Variants in MEMO1 observed in about 807,000 individuals in gnomAD.
The protein encoded by MEMO1 is protein MEMO1.
In MEMO1, 6 loss-of-function variants were observed where a neutral mutation model predicts 45.2. The ratio of observed to expected loss-of-function variants is 0.13; its 90% CI spans 0.07 to 0.26. MEMO1 has a LOEUF of 0.26. Ranked by LOEUF, MEMO1 falls within the 10% of genes least tolerant of loss-of-function variation. The probability of loss-of-function intolerance (pLI) is 1.00; values close to 1 mark genes in which losing one functional copy is unlikely to be tolerated. For synonymous variants in MEMO1, 78 were observed against 124.3 expected, an observed-to-expected ratio of 0.63 and a Z score of 2.48; for missense variants, 184 against 370.5, an observed-to-expected ratio of 0.50 and a Z score of 4.13.
At chr2:31,992,751 T>A (rs532285918) in intron 2 of MEMO1, among the ~76,000 whole-genome samples, 2 of 152,118 alleles carry the variant, frequency 1.3e-5, no homozygotes, top group Non-Finnish European at 1.5e-5. Flanking sequence ...GCCACTGCAC[T>A]CCAGCCTGGG....
At chr2:31,886,529 A>C (rs1676221748) in intron 7 of MEMO1, among the ~76,000 whole-genome samples, 1 of 152,166 alleles carries the variant, frequency 6.6e-6, no homozygotes, top group South Asian at 2.1e-4. Flanking sequence ...TTAATAATAA[A>C]GAAAATTATA....
At chr2:31,897,120 G>C (rs1677950479) in intron 6 of MEMO1, among the ~76,000 whole-genome samples, 1 of 152,176 alleles carries the variant, frequency 6.6e-6, no homozygotes, top group Admixed American at 6.5e-5. Context: ...GGAGATTTTA[G>C]GCTGAGACAA....
At chr2:31,950,818 T>C (rs1383639401) in intron 2 of MEMO1, among the ~76,000 whole-genome samples, 1 of 152,136 alleles carries the variant, frequency 6.6e-6, no homozygotes, top group Non-Finnish European at 1.5e-5. Context: ...CTTGTGCTTA[T>C]AAAAAATACA....
chr2:32,009,680 G>A (rs1273019590), intron 2 of MEMO1, among the ~76,000 whole-genome samples: 1 of 152,140 alleles, frequency 6.6e-6, no homozygotes, highest in Non-Finnish European at 1.5e-5. Flanking sequence ...CGGACCGCCA[G>A]CGGGGAGGGC....
chr2:31,933,346 AAAATTTATATATAT>A (rs1438218054), intron 3 of MEMO1, among the ~76,000 whole-genome samples: 1 of 25,518 alleles, frequency 3.9e-5, no homozygotes, highest in African/African-American at 1.6e-4. Context: ...AAAAAAAAAA[AAAATTTATATATAT>A]ATATATATAT....
At chr2:31,967,027 T>C (rs141055641) in intron 2 of MEMO1, among the ~76,000 whole-genome samples, 351 of 152,260 alleles carry the variant, frequency 2.3e-3, no homozygotes, top group African/African-American at 7.6e-3. Flanking sequence ...CATACTAAAC[T>C]GTTTTGTAGT....
rs1349095536 is a variant in MEMO1 at position 31,982,362 on chromosome 2, C to T, written c.61+27825G>A. On this transcript the variant is annotated intron_variant, in intron 2 of 9. Coordinates refer to ENST00000404530, the MANE Select transcript of MEMO1 (RefSeq NM_001301833.4). ...ATCCCAGCACTTTGGGAGGCCGAGG[C>T]GGGCAGATCACGAGGTCAGAAGTTT... Among the ~76,000 whole-genome samples, 4 of 149,568 alleles carry T rather than the reference C, an allele frequency of 2.7e-5. No homozygotes were observed. The East Asian group carries it at 8.0e-4, about 30-fold the overall frequency.
rs536459894 is a variant in MEMO1 at position 31,906,287 on chromosome 2, T to A, written c.437+11639A>T. On this transcript the variant is annotated intron_variant, in intron 6 of 9. Transcript: ENST00000404530. ...ACCCGGCCAAGGAGTGCTATTCTTTTGTTTTTGTTTTTGTTTTTTTTGTTT... is the reference window on the plus strand; with the variant it reads ...ACCCGGCCAAGGAGTGCTATTCTTTAGTTTTTGTTTTTGTTTTTTTTGTTT... Among the ~76,000 whole-genome samples the A allele has an allele frequency of 9.4e-5, 14 of 148,782 alleles. No homozygotes were observed. The South Asian group carries it at 3.0e-3, about 31-fold the overall frequency.
intron 2 of MEMO1, among the ~76,000 whole-genome samples, chr2:31,946,868 T>C (rs951905131): frequency 1.2e-4 from 19 of 152,156 alleles, no homozygotes; most frequent in African/African-American, 4.3e-4. Context: ...CAATACTGTA[T>C]TTTTACTCTA....
At chr2:31,926,502 A>G (rs1005327253) in intron 4 of MEMO1, among the ~76,000 whole-genome samples, 6 of 152,192 alleles carry the variant, frequency 3.9e-5, no homozygotes, top group African/African-American at 1.4e-4. Flanking sequence ...TAAGCTTGAT[A>G]GCCTCCAAAG....
intron 2 of MEMO1, among the ~76,000 whole-genome samples, chr2:31,952,313 G>A (rs1666930959): frequency 6.6e-6 from 1 of 151,938 alleles, no homozygotes; most frequent in Non-Finnish European, 1.5e-5. Context: ...AATAGCAGAG[G>A]GCAATTAACA....
At chr2:31,897,902 T>C (rs957414679) in intron 6 of MEMO1, among the ~76,000 whole-genome samples, 5 of 151,980 alleles carry the variant, frequency 3.3e-5, no homozygotes, top group African/African-American at 1.2e-4. Context: ...AACTGGTTAT[T>C]GGTCTTTTCA....
intron 6 of MEMO1, among the ~76,000 whole-genome samples, chr2:31,907,388 AG>A (rs1348700244): frequency 6.6e-6 from 1 of 152,248 alleles, no homozygotes; most frequent in East Asian, 1.9e-4. Context: ...AACATAGATT[AG>A]TACAATTAGG....
intron 8 of MEMO1, among the ~76,000 whole-genome samples, chr2:31,881,306 A>G (rs543378104): frequency 6.6e-6 from 1 of 151,820 alleles, no homozygotes; most frequent in Non-Finnish European, 1.5e-5. Flanking sequence ...TCTGGGCAAC[A>G]TGGCGAAACC....
At chr2:31,987,035 A>T (rs1327180950) in intron 2 of MEMO1, among the ~76,000 whole-genome samples, 1 of 152,136 alleles carries the variant, frequency 6.6e-6, no homozygotes, top group Admixed American at 6.6e-5. Context: ...ATGTGTTCTC[A>T]CTCTGCCACC....
chr2:31,943,611 T>A (rs1665869643), intron 2 of MEMO1, among the ~76,000 whole-genome samples: 1 of 152,208 alleles, frequency 6.6e-6, no homozygotes. Flanking sequence ...TCGATTTACT[T>A]ATTTACAGCT....
intron 2 of MEMO1, among the ~76,000 whole-genome samples, chr2:31,965,670 G>A (rs1317267418): frequency 6.6e-6 from 1 of 152,166 alleles, no homozygotes; most frequent in Non-Finnish European, 1.5e-5. Flanking sequence ...GTCCTTTGCA[G>A]GGACATGGAT....
chr2:31,927,229 A>G (rs1278633889), intron 4 of MEMO1, among the ~76,000 whole-genome samples: 1 of 152,160 alleles, frequency 6.6e-6, no homozygotes, highest in African/African-American at 2.4e-5. Flanking sequence ...CTGAGGCAGG[A>G]GAATCACTTG....
chr2:31,869,766 G>T, intron 9 of MEMO1, 82 bp downstream of exon 9: 1 of 1,420,946 alleles, frequency 7.0e-7, no homozygotes, highest in Non-Finnish European at 9.4e-7. Flanking sequence ...TAAAACCAAT[G>T]ATGCCATTGT....
Sources: allele counts gnomAD v4.1 joint callset (sites outside exome capture counted in the v4.1 genomes callset), GRCh38; gene constraint gnomAD v4.1.1; transcripts MANE v1.5; gene names NCBI Gene and HGNC (gene_info 2026-07-23, HGNC 2026-07-21).